Variants in MALRD1 observed in about 807,000 individuals in gnomAD.
MALRD1 encodes the protein MAM and LDL-receptor class A domain-containing protein 1.
A neutral mutation model predicts 242.1 loss-of-function variants in MALRD1; 247 were observed. The ratio of observed to expected loss-of-function variants is 1.02; its 90% CI spans 0.92 to 1.13. The LOEUF is 1.13. Among genes scored for constraint, MALRD1 ranks in the 50% most tolerant of loss-of-function variants. The pLI is 0.00. For missense variants in MALRD1, 2,989 were observed against 2,533.1 expected (o/e 1.18, Z -3.86); for synonymous variants, 995 against 866.6 (o/e 1.15, Z -2.60).
chr10:19,113,418 G>A (rs916170210), intron 5 of MALRD1, among the ~76,000 whole-genome samples: 4 of 151,866 alleles, frequency 2.6e-5, no homozygotes, highest in Non-Finnish European at 5.9e-5. Flanking sequence ...CTGCCCGAAA[G>A]CCTCATTCCA....
At chr10:19,102,710 A>C (rs1836311142) in intron 4 of MALRD1, among the ~76,000 whole-genome samples, 1 of 152,216 alleles carries the variant, frequency 6.6e-6, no homozygotes, top group Non-Finnish European at 1.5e-5. Context: ...TCTGCCATCA[A>C]CATGCCAATT....
rs145214093 is a variant in MALRD1, at chr10:19,450,430, A to G, written c.4969A>G (p.Thr1657Ala). ...TGAAGTCATATTTCAAGGTATCAGA[A>G]CAAGGGACCTGGGAGGAGGAGCTGC... Reference protein sequence around the residue: ...NFEVIFQGIRTRDLGGGAAID... With the variant: ...NFEVIFQGIRARDLGGGAAID... Residue 1657 changes from threonine to alanine, a missense_variant, in exon 29 of 40, where the codon ACA becomes GCA. By Grantham distance (58) the Thr-to-Ala change is moderately conservative. Transcript: ENST00000454679. The G allele has an allele frequency of 3.2e-6, 5 of 1,550,700 alleles. No individual in the cohort carries two copies. Among genetic ancestry groups the G allele is most frequent in the African/African-American group, 2.7e-5 (2 of 73,190 alleles).
intron 10 of MALRD1, among the ~76,000 whole-genome samples, chr10:19,145,510 G>A (rs1393986157): frequency 5.3e-5 from 8 of 152,048 alleles, no homozygotes; most frequent in South Asian, 2.1e-4. Context: ...TCCGAGCATC[G>A]TTGCATGTGC....
At chr10:19,517,695 A>G (rs942037811) in intron 31 of MALRD1, among the ~76,000 whole-genome samples, 1 of 152,174 alleles carries the variant, frequency 6.6e-6, no homozygotes, top group Non-Finnish European at 1.5e-5. Flanking sequence ...TTTGTTATGA[A>G]GTTCAGTATG....
At chr10:19,638,179 G>A (rs1484783985) in intron 36 of MALRD1, among the ~76,000 whole-genome samples, 1 of 149,314 alleles carries the variant, frequency 6.7e-6, no homozygotes, top group Non-Finnish European at 1.5e-5. Flanking sequence ...GTCAACAAAA[G>A]GACAGCCAAG....
chr10:19,131,346 GAACT>G (rs1426183149), intron 8 of MALRD1, among the ~76,000 whole-genome samples: 1 of 152,070 alleles, frequency 6.6e-6, no homozygotes, highest in African/African-American at 2.4e-5. Context: ...GAGGACATTA[GAACT>G]TGAGAAGTGA....
chr10:19,373,203 CAAAAA>C (rs374095193), intron 26 of MALRD1, among the ~76,000 whole-genome samples: 1 of 114,884 alleles, frequency 8.7e-6, no homozygotes, highest in Admixed American at 9.0e-5. Context: ...ACGCTAAATA[CAAAAA>C]AAAAAAAAAA....
Position 19,115,261 on chromosome 10 carries a change from C to T in MALRD1, c.695-8231C>T, listed in dbSNP as rs140408664. 9.2e-3 allele frequency among the ~76,000 whole-genome samples: 1,399 copies of T among 152,234 alleles called. 25 individuals are homozygous for T. Among genetic ancestry groups the T allele is most frequent in the African/African-American group, 0.031 (1,300 of 41,552 alleles). On this transcript the variant is annotated intron_variant, in intron 5 of 39. Transcript: ENST00000454679. ...TCCTCTTCCTCTGCCTCCTGACTGA[C>T]GCTGGGACTTTCCCACGTGCTCCCT...
chr10:19,380,807 G>A (rs766236568), intron 26 of MALRD1, among the ~76,000 whole-genome samples: 71 of 151,868 alleles, frequency 4.7e-4, no homozygotes, highest in African/African-American at 1.5e-3. Flanking sequence ...AATATTTACC[G>A]TCAAGTGTAC....
At chr10:19,289,279 C>T (rs886798765) in intron 21 of MALRD1, among the ~76,000 whole-genome samples, 1 of 152,086 alleles carries the variant, frequency 6.6e-6, no homozygotes, top group Non-Finnish European at 1.5e-5. Context: ...TCCGTATTTC[C>T]TCTCACCCTA....
At chr10:19,469,997 A>C (rs1019741716) in intron 29 of MALRD1, among the ~76,000 whole-genome samples, 1 of 152,012 alleles carries the variant, frequency 6.6e-6, no homozygotes, top group East Asian at 1.9e-4. Flanking sequence ...CAAATTTTAA[A>C]TATTCAATAT....
At chr10:19,426,946 T>G (rs1833925601) in intron 28 of MALRD1, among the ~76,000 whole-genome samples, 1 of 152,236 alleles carries the variant, frequency 6.6e-6, no homozygotes, top group African/African-American at 2.4e-5. Flanking sequence ...TATAAATGTG[T>G]GTTGTATGTG....
In MALRD1 at chr10:19,176,366, C is replaced by CTTTTTTTTTTTTT. The variant is rs11443184; in HGVS notation, c.1951+1045_1951+1057dup. Among the ~76,000 whole-genome samples the CTTTTTTTTTTTTT allele has an allele frequency of 2.3e-3, 197 of 87,288 alleles. 20 individuals carry two copies. Among genetic ancestry groups the CTTTTTTTTTTTTT allele is most frequent in the Non-Finnish European group, 3.4e-3 (147 of 43,388 alleles). 57.3% of individuals were successfully genotyped at this position (87,288 alleles called of 152,430 possible). ...TCGAGAGAGTGTATATTTCTGGGTG[C>CTTTTTTTTTTTTT]TTTTTTTTTTTTTTTTTTTGAGACG... On this transcript the variant is annotated intron_variant, in intron 14 of 39. Coordinates refer to ENST00000454679, the MANE Select transcript of MALRD1 (RefSeq NM_001142308.3).
rs1424586229 is a variant in MALRD1, at chr10:19,280,038, C to G, written c.3080-9C>G. ...GCTAAATGATGCCTGTATATTATTT[C>G]TTATCAAGGTAATTTGCCAGCAGAC... On this transcript the variant is annotated splice_polypyrimidine_tract_variant and intron_variant, in intron 19 of 39. Transcript: ENST00000454679. 20 of 1,482,320 alleles carry G rather than the reference C, an allele frequency of 1.3e-5. No homozygotes were observed. Among genetic ancestry groups the G allele is most frequent in the Non-Finnish European group, 1.8e-5 (20 of 1,118,194 alleles). 91.8% of individuals were successfully genotyped at this position (1,482,320 alleles called of 1,614,324 possible).
intron 24 of MALRD1, among the ~76,000 whole-genome samples, chr10:19,337,303 C>T (rs1843657513): frequency 6.6e-6 from 1 of 152,018 alleles, no homozygotes; most frequent in South Asian, 2.1e-4. Flanking sequence ...CATAAGAAAT[C>T]ATGAAATGGA....
At chr10:19,590,977 C>T (rs1243745993) in intron 33 of MALRD1, among the ~76,000 whole-genome samples, 1 of 152,176 alleles carries the variant, frequency 6.6e-6, no homozygotes, top group African/African-American at 2.4e-5. Flanking sequence ...CATATAATGA[C>T]ATGTATCCAC....
At chr10:19,112,350 C>T (rs1474478012) in intron 5 of MALRD1, among the ~76,000 whole-genome samples, 3 of 151,888 alleles carry the variant, frequency 2.0e-5, no homozygotes, top group Admixed American at 1.3e-4. Context: ...CGGAGACATG[C>T]CGTTCAGCAT....
intron 31 of MALRD1, among the ~76,000 whole-genome samples, chr10:19,510,663 G>A (rs61841377): frequency 0.095 from 14,414 of 151,976 alleles, 559 homozygotes; most frequent in East Asian, 0.11. Flanking sequence ...GCATCTCAAG[G>A]CAGAAGAATT....
chr10:19,477,186 T>C (rs954208557), intron 29 of MALRD1, among the ~76,000 whole-genome samples: 2 of 152,188 alleles, frequency 1.3e-5, no homozygotes, highest in Non-Finnish European at 2.9e-5. Flanking sequence ...AAAAGGAATA[T>C]ATTATTGCAC....
Sources: allele counts gnomAD v4.1 joint callset (sites outside exome capture counted in the v4.1 genomes callset), GRCh38; gene constraint gnomAD v4.1.1; transcripts MANE v1.5; gene names NCBI Gene and HGNC (gene_info 2026-07-23, HGNC 2026-07-21).